Variants in KNTC1 observed in about 807,000 individuals in gnomAD.
KNTC1 encodes kinetochore-associated protein 1.
A neutral mutation model predicts 314.4 loss-of-function variants in KNTC1; 253 were observed. The ratio of observed to expected loss-of-function variants is 0.80; its 90% CI spans 0.73 to 0.89. The LOEUF (loss-of-function observed/expected upper bound fraction) is 0.89, where lower values mean the gene tolerates loss of function less well. Among genes scored for constraint, KNTC1 ranks in the 40% least tolerant of loss-of-function variants. KNTC1 has a pLI of 0.00. For missense variants in KNTC1, 2,475 were observed against 2,572.9 expected (o/e 0.96, Z 0.82); for synonymous variants, 901 against 901.4 (o/e 1.00, Z 0.01).
chr12:122,534,472 T>A (rs1200271772), intron 2 of KNTC1, among the ~76,000 whole-genome samples, 192 bp from the exon 3 acceptor site: 5 of 152,184 alleles, frequency 3.3e-5, no homozygotes, highest in Non-Finnish European at 7.3e-5. Context: ...GTTTTTCTAC[T>A]TAGGATCCTG....
At chr12:122,573,420 G>A in intron 26 of KNTC1, 135 bp downstream of exon 26, 3 of 850,704 alleles carry the variant, frequency 3.5e-6, no homozygotes, top group South Asian at 3.7e-5. Flanking sequence ...GGTTAAAAAT[G>A]TGGGTTAATT....
intron 59 of KNTC1, 115 bp from the exon 60 acceptor site, chr12:122,620,364 T>TA: frequency 1.2e-6 from 1 of 855,194 alleles, no homozygotes; most frequent in Non-Finnish European, 1.8e-6. Flanking sequence ...ACCAGCACTT[T>TA]AGTGTTTAAA....
In KNTC1 at chr12:122,602,583, G is replaced by C; in HGVS notation, c.4668G>C (p.Leu1556=). The C allele has an allele frequency of 6.2e-7, 1 of 1,606,798 alleles. No homozygotes were observed. The highest frequency in any genetic ancestry group is 8.5e-7 in the Non-Finnish European group (1 of 1,174,908). The change falls in exon 46 of 64, where the codon CTG becomes CTC. Residue 1556 remains leucine (L), a synonymous_variant. Transcript: ENST00000333479. Reference sequence around the variant, plus strand: ...TTTTAATATAGGCATTGAGTATTCTGAAACATTTGAAGTCATACAGAAGAA... The same window carrying C: ...TTTTAATATAGGCATTGAGTATTCTCAAACATTTGAAGTCATACAGAAGAA... The part of the protein sequence containing the change: ...NININQALSI[L]KHLKSYRRIS...
intron 8 of KNTC1, among the ~76,000 whole-genome samples, chr12:122,544,975 T>C (rs1345346286): frequency 6.6e-6 from 1 of 152,162 alleles, no homozygotes; most frequent in East Asian, 1.9e-4. Flanking sequence ...GCAAGTTTTG[T>C]TATTAGTGAA....
rs1327966301 is a variant in KNTC1 at position 122,585,801 on chromosome 12, C to T, written c.3673+27C>T. ...TAAGTCTTATTTGTATCATTATTTT[C>T]TATGTGTTTCTGTCTTATGTAAATT... On this transcript the variant is annotated intron_variant, in intron 37 of 63. Coordinates refer to ENST00000333479, the MANE Select transcript of KNTC1 (RefSeq NM_014708.6). 3 of 1,606,906 alleles carry T rather than the reference C, an allele frequency of 1.9e-6. 1 individual carries two copies. The African/African-American group carries it at 4.0e-5, about 21-fold the overall frequency.
intron 36 of KNTC1, 70 bp from the exon 37 acceptor site, chr12:122,585,566 A>G (rs573058457): frequency 6.7e-5 from 102 of 1,522,624 alleles, no homozygotes; most frequent in Middle Eastern, 3.4e-4. Flanking sequence ...TCTATAAGCC[A>G]TAGACCAGAA....
At position 122,571,140 on chromosome 12, in the gene KNTC1, A is replaced by G. The variant is rs777002109; in HGVS notation, c.2019+14A>G. On this transcript the variant is annotated intron_variant, in intron 24 of 63. Transcript: ENST00000333479. ...TGGATTTCCTTGGTATGATGTGAGA[A>G]TGGATTTTTAGTAATGAAACAGTCA... 6.3e-7 allele frequency: 1 copy of G among 1,584,814 alleles called. No individual in the cohort carries two copies. The highest frequency in any genetic ancestry group is 8.7e-7 in the Non-Finnish European group (1 of 1,153,790).
In KNTC1 at chr12:122,579,913, C is replaced by G. The variant is rs369740787; in HGVS notation, c.2850C>G (p.Ala950=). The G allele has an allele frequency of 1.3e-4, 207 of 1,607,858 alleles. 1 individual carries two copies. Among genetic ancestry groups the G allele is most frequent in the Non-Finnish European group, 1.6e-4 (193 of 1,175,030 alleles). The change falls in exon 32 of 64, where the codon GCC becomes GCG. Residue 950 remains alanine (A), a synonymous_variant. Coordinates refer to ENST00000333479, the MANE Select transcript of KNTC1 (RefSeq NM_014708.6). ...TATTTATTTATTTTTAGGGCAAGGC[C>G]TGGAGAATGTCTGTAGCGAAGACAT... ...EEPDHSKEGK[A]WRMSVAKTSV...
intron 57 of KNTC1, among the ~76,000 whole-genome samples, chr12:122,618,049 G>A (rs1053569096): frequency 3.3e-5 from 5 of 152,278 alleles, no homozygotes; most frequent in Admixed American, 2.0e-4. Context: ...TGTCACCCAG[G>A]CAACCTCCGC....
chr12:122,580,529 A>C (rs1965339117), intron 32 of KNTC1, 74 bp from the exon 33 acceptor site: 2 of 916,616 alleles, frequency 2.2e-6, no homozygotes, highest in African/African-American at 1.7e-5. Flanking sequence ...AGCTAATTAA[A>C]ATTTCTTCTT....
At position 122,611,007 on chromosome 12, in the gene KNTC1, C is replaced by T. The variant is rs1039231676; in HGVS notation, c.5622+107C>T. ...GCATTAACAGATGATTCAGATAATGCTCACGTACATATGTATTCAAAGTCT... is the reference window on the plus strand; with the variant it reads ...GCATTAACAGATGATTCAGATAATGTTCACGTACATATGTATTCAAAGTCT... On this transcript the variant is annotated intron_variant, in intron 53 of 63. Transcript: ENST00000333479. The T allele has an allele frequency of 3.9e-6, 3 of 779,172 alleles. No homozygotes were observed. The East Asian group carries it at 7.6e-5, about 20-fold the overall frequency. The allele number at this position is 779,172 out of a possible 1,614,324, so 48.3% of individuals were successfully genotyped here. A position where few individuals can be genotyped will look rare whatever the true frequency, so the allele number is the denominator to read the frequency against.
intron 4 of KNTC1, 112 bp downstream of exon 4, chr12:122,538,566 T>G (rs1413094919): frequency 1.4e-5 from 9 of 623,946 alleles, no homozygotes; most frequent in Non-Finnish European, 2.1e-5. Flanking sequence ...AAAGCAATGT[T>G]TTTTTGAACA....
At chr12:122,622,315 G>A (rs1027796628) in intron 61 of KNTC1, 147 bp from the exon 62 acceptor site, 13 of 689,526 alleles carry the variant, frequency 1.9e-5, no homozygotes, top group Admixed American at 3.3e-5. Context: ...AAAAGGAGGC[G>A]CAGTCACAAT....
intron 62 of KNTC1, among the ~76,000 whole-genome samples, chr12:122,623,381 A>C (rs964128118): frequency 1.3e-5 from 2 of 152,314 alleles, no homozygotes; most frequent in Admixed American, 6.5e-5. Context: ...ACCGCAGTAC[A>C]CACCAGATCC....
intron 42 of KNTC1, 167 bp from the exon 43 acceptor site, chr12:122,594,109 A>G (rs1870701937): frequency 8.5e-6 from 5 of 588,246 alleles, no homozygotes; most frequent in Admixed American, 6.1e-5. Flanking sequence ...GTACACCTCA[A>G]ATCTCAGAAT....
intron 40 of KNTC1, among the ~76,000 whole-genome samples, chr12:122,589,668 C>T (rs1247931470): frequency 6.6e-6 from 1 of 151,396 alleles, no homozygotes; most frequent in Non-Finnish European, 1.5e-5. Context: ...AGACAGGTCT[C>T]ACTGTGTTGC....
chr12:122,539,911 C>T (rs1428729681), intron 5 of KNTC1, among the ~76,000 whole-genome samples, 157 bp downstream of exon 5: 2 of 151,406 alleles, frequency 1.3e-5, no homozygotes, highest in Non-Finnish European at 2.9e-5. Flanking sequence ...TCCTGAGTAG[C>T]TGGGATTACA....
intron 51 of KNTC1, among the ~76,000 whole-genome samples, chr12:122,606,454 G>A (rs1339790790): frequency 1.3e-5 from 2 of 151,986 alleles, no homozygotes; most frequent in African/African-American, 4.8e-5. Context: ...CCGACCTCAG[G>A]TGATCCGCCC....
At chr12:122,536,865 A>G (rs1961879760) in intron 3 of KNTC1, among the ~76,000 whole-genome samples, 1 of 152,202 alleles carries the variant, frequency 6.6e-6, no homozygotes, top group Non-Finnish European at 1.5e-5. Flanking sequence ...ACTTTTACAT[A>G]AGAACTTAGA....
Sources: gnomAD v4.1 joint callset for allele counts (sites outside exome capture counted in the v4.1 genomes callset) on GRCh38, gnomAD v4.1.1 for gene constraint, MANE v1.5 for transcripts, NCBI Gene and HGNC (gene_info 2026-07-23, HGNC 2026-07-21) for gene names.